HMGXB3: variants seen among roughly 807,000 people sequenced by gnomAD.
The protein encoded by HMGXB3 is HMG domain-containing protein 3.
In HMGXB3, 45 loss-of-function variants were observed where a neutral mutation model predicts 121.5. That is an observed-to-expected ratio of 0.37 (90% confidence interval 0.29 to 0.47). HMGXB3 has a LOEUF of 0.47. HMGXB3 is among the 20% of genes least tolerant of loss of function. The pLI is 0.99. For missense variants in HMGXB3, 1,376 were observed against 1,602.2 expected (o/e 0.86, Z 2.41); for synonymous variants, 590 against 624.1 (o/e 0.95, Z 0.81).
At chr5:150,029,216 T>C (rs1187268194) in intron 9 of HMGXB3, among the ~76,000 whole-genome samples, 1 of 152,180 alleles carries the variant, frequency 6.6e-6, no homozygotes, top group Non-Finnish European at 1.5e-5. Context: ...GGCTTATATT[T>C]TTCACTTCAT....
chr5:150,052,149 A>T lies in HMGXB3; in HGVS notation c.3836A>T (p.Glu1279Val). ...GTTGCTCAGATCAAGACAGAGACAG[A>T]GGAGGAGGGTGAGGAAGAGGAGGTG... ...LGVAQIKTET[E>V]EEGEEEEVAA... The change falls in exon 20 of 20, where the codon GAG becomes GTG. Residue 1279 changes from glutamate (E) to valine (V), a missense_variant. Physicochemically the swap from Glu to Val is moderately radical, Grantham distance 121 (BLOSUM62 -2). Coordinates refer to ENST00000502717, the MANE Select transcript of HMGXB3 (RefSeq NM_014983.3). 1 of 1,549,810 alleles carries T rather than the reference A, an allele frequency of 6.5e-7. No homozygotes were observed. Among genetic ancestry groups the T allele is most frequent in the Non-Finnish European group, 8.7e-7 (1 of 1,145,704 alleles).
At position 150,024,597 on chromosome 5, in the gene HMGXB3, T is replaced by C. The variant is rs1756181445; in HGVS notation, c.1377T>C (p.Asn459=). The C allele has an allele frequency of 6.4e-7, 1 of 1,551,572 alleles. No individual in the cohort carries two copies. Among genetic ancestry groups the C allele is most frequent in the African/African-American group, 1.4e-5 (1 of 73,002 alleles). ...QPEVTLGTTD[N]DSPGADVPTP... is the part of the protein sequence containing the mutation. Reference sequence around the variant, plus strand: ...AGGTCACTCTGGGGACAACTGACAATGACAGTCCTGGAGCAGACGTACCAA... The same window carrying C: ...AGGTCACTCTGGGGACAACTGACAACGACAGTCCTGGAGCAGACGTACCAA... Residue 459 remains asparagine, a synonymous_variant, in exon 7 of 20, where the codon AAT becomes AAC. Coordinates refer to ENST00000502717, the MANE Select transcript of HMGXB3 (RefSeq NM_014983.3).
chr5:150,027,020 A>G lies in HMGXB3; in HGVS notation c.1637A>G (p.Asp546Gly). 6.4e-7 allele frequency: 1 copy of G among 1,551,624 alleles called. No individual in the cohort carries two copies. The highest frequency in any genetic ancestry group is 8.7e-7 in the Non-Finnish European group (1 of 1,146,954). Reference protein sequence around the residue: ...PRARQAFSLSDKTPSVRTCGL... With the variant: ...PRARQAFSLSGKTPSVRTCGL... Reference sequence around the variant, plus strand: ...CCAGTTTGGCTCCTGGTTCTCTCAGATAAGACTCCCTCTGTGAGGACTTGT... The same window carrying G: ...CCAGTTTGGCTCCTGGTTCTCTCAGGTAAGACTCCCTCTGTGAGGACTTGT... Residue 546 changes from aspartate (D) to glycine (G), a missense_variant and splice_region_variant, in exon 9 of 20, where the codon GAT (aspartate) becomes GGT (glycine). Asp to Gly is a moderately conservative substitution (Grantham distance 94). Around this residue, in one of 2 missense-constraint regions of HMGXB3, gnomAD observed 1,116 missense variants for 1,369.0 expected, o/e 0.82. Coordinates refer to ENST00000502717, the MANE Select transcript of HMGXB3 (RefSeq NM_014983.3).
At chr5:150,030,136 T>C (rs772990566) in intron 9 of HMGXB3, among the ~76,000 whole-genome samples, 1 of 90,988 alleles carries the variant, frequency 1.1e-5, no homozygotes. Context: ...GCTTTATCTT[T>C]TCTTTCTTTT....
chr5:150,030,156 T>C (rs1032782753), intron 9 of HMGXB3, among the ~76,000 whole-genome samples: 4 of 152,148 alleles, frequency 2.6e-5, no homozygotes, highest in African/African-American at 9.7e-5. Flanking sequence ...TTTTTAGCTA[T>C]ATAAGTAAAA....
intron 13 of HMGXB3, among the ~76,000 whole-genome samples, chr5:150,039,025 A>G (rs532577515): frequency 2.0e-5 from 3 of 152,372 alleles, no homozygotes; most frequent in Non-Finnish European, 4.4e-5. Flanking sequence ...CTGCATTACC[A>G]AAGTGGCTGT....
At chr5:150,021,800 C>G (rs973972493) in intron 6 of HMGXB3, 1 of 505,698 alleles carries the variant, frequency 2.0e-6, no homozygotes, top group Middle Eastern at 6.8e-4. Context: ...CTTTGCTCCT[C>G]TGATCAAGTC....
intron 1 of HMGXB3, among the ~76,000 whole-genome samples, chr5:150,002,030 C>T (rs11958369): frequency 2.0e-5 from 3 of 152,138 alleles, no homozygotes; most frequent in Non-Finnish European, 2.9e-5. Flanking sequence ...ACTGTGTTCT[C>T]TTCCTGGGTT....
At chr5:150,011,770 ATTTTTGTATTTT>A (rs1455563531) in intron 4 of HMGXB3, among the ~76,000 whole-genome samples, 2 of 151,214 alleles carry the variant, frequency 1.3e-5, no homozygotes, top group Non-Finnish European at 2.9e-5. Flanking sequence ...CGCCTGGCTA[ATTTTTGTATTTT>A]TTTTTTTTTA....
At chr5:150,030,610 C>T (rs901225603) in intron 9 of HMGXB3, 131 bp from the exon 10 acceptor site, 1 of 689,724 alleles carries the variant, frequency 1.4e-6, no homozygotes. Flanking sequence ...AACTGGCAGT[C>T]CAGAGGGCTC....
At position 150,024,349 on chromosome 5, in the gene HMGXB3, A is replaced by G. The variant is rs905662697; in HGVS notation, c.1129A>G (p.Thr377Ala). The G allele has an allele frequency of 6.4e-7, 1 of 1,551,754 alleles. No individual in the cohort carries two copies. The highest frequency in any genetic ancestry group is 8.7e-7 in the Non-Finnish European group (1 of 1,146,996). ...GAAAAGAAATCAGCAACCTGTCACCACTGAGCAAAATTCCTCTAAGGAAAA... is the reference window on the plus strand; with the variant it reads ...GAAAAGAAATCAGCAACCTGTCACCGCTGAGCAAAATTCCTCTAAGGAAAA... Reference protein sequence around the residue: ...VVKRNQQPVTTEQNSSKENAS... With the variant: ...VVKRNQQPVTAEQNSSKENAS... The change falls in exon 7 of 20, where the codon ACT (threonine) becomes GCT (alanine). Residue 377 changes from threonine to alanine, a missense_variant. By Grantham distance (58) the Thr-to-Ala change is moderately conservative. Transcript: ENST00000502717.
At position 150,039,746 on chromosome 5, in the gene HMGXB3, G is replaced by A. The variant is rs185580372; in HGVS notation, c.2414-1002G>A. Among the ~76,000 whole-genome samples, 33 of 144,116 alleles carry A rather than the reference G, an allele frequency of 2.3e-4. No homozygotes were observed. In the East Asian group the frequency reaches 6.2e-3, roughly 27 times the overall value. 94.5% of individuals were successfully genotyped at this position (144,116 alleles called of 152,430 possible). A position where few individuals can be genotyped will look rare whatever the true frequency, so the allele number is the denominator to read the frequency against. ...TTTACATTTGTACCTGGTGATTTCT[G>A]GGGGCGTCATGACTTTTGCTTTTTA... On this transcript the variant is annotated intron_variant, in intron 13 of 19. Coordinates refer to ENST00000502717, the MANE Select transcript of HMGXB3 (RefSeq NM_014983.3).
chr5:150,027,030 C>G lies in HMGXB3; in HGVS notation c.1647C>G (p.Pro549=), dbSNP rs776890671. 3.6e-5 allele frequency: 56 copies of G among 1,551,538 alleles called. No individual in the cohort carries two copies. Among genetic ancestry groups the G allele is most frequent in the Non-Finnish European group, 4.7e-5 (54 of 1,146,966 alleles). The change falls in exon 9 of 20, where the codon CCC becomes CCG. Residue 549 remains proline (P), a synonymous_variant. Coordinates refer to ENST00000502717, the MANE Select transcript of HMGXB3 (RefSeq NM_014983.3). ...TCCTGGTTCTCTCAGATAAGACTCC[C>G]TCTGTGAGGACTTGTGGTCTGAAGC... ...RQAFSLSDKT[P]SVRTCGLKPS...
intron 9 of HMGXB3, among the ~76,000 whole-genome samples, chr5:150,028,046 C>T (rs1581256806): frequency 2.0e-5 from 3 of 152,178 alleles, no homozygotes; most frequent in Non-Finnish European, 4.4e-5. Flanking sequence ...TGACATGTGC[C>T]CAAGGTGGTC....
intron 1 of HMGXB3, among the ~76,000 whole-genome samples, chr5:150,002,267 G>A (rs879737860): frequency 2.0e-5 from 3 of 152,068 alleles, no homozygotes; most frequent in Non-Finnish European, 4.4e-5. Flanking sequence ...GTTTTTTTAA[G>A]CTTTCGCAAC....
At chr5:150,026,943 G>A (rs1756245919) in intron 8 of HMGXB3, 62 bp downstream of exon 8, 11 of 1,527,390 alleles carry the variant, frequency 7.2e-6, no homozygotes, top group African/African-American at 1.4e-5. Context: ...CAGGAGTGGG[G>A]GGTTGAGAAC....
rs191693697 is a variant in HMGXB3, at chr5:150,041,154, C to G, written c.2545+275C>G. On this transcript the variant is annotated intron_variant, in intron 14 of 19. Transcript: ENST00000502717. ...TCTTTGGTCATAGGGAGACTTGGCC[C>G]CATTGCATGTTAGACTCATTCTGAC... Among the ~76,000 whole-genome samples, 99 of 152,314 alleles carry G rather than the reference C, an allele frequency of 6.5e-4. No individual in the cohort carries two copies. The Middle Eastern group carries it at 0.024, about 37-fold the overall frequency.
intron 11 of HMGXB3, among the ~76,000 whole-genome samples, chr5:150,034,416 G>C (rs1348583704): frequency 6.6e-6 from 1 of 152,110 alleles, no homozygotes; most frequent in Non-Finnish European, 1.5e-5. Flanking sequence ...GAAGCTCTGA[G>C]CATTCCTTTC....
At chr5:150,011,976 T>C (rs551843485) in intron 4 of HMGXB3, among the ~76,000 whole-genome samples, 3 of 152,340 alleles carry the variant, frequency 2.0e-5, no homozygotes, top group Admixed American at 6.5e-5. Context: ...TAGAATTGGA[T>C]TCTCTCACTA....
Sources: gnomAD v4.1 joint callset for allele counts (sites outside exome capture counted in the v4.1 genomes callset) on GRCh38, gnomAD v4.1.1 for gene constraint, gnomAD v4.1.1 regional missense constraint, MANE v1.5 for transcripts, NCBI Gene and HGNC (gene_info 2026-07-23, HGNC 2026-07-21) for gene names.